Variants in POF1B observed in about 807,000 individuals in gnomAD.
POF1B encodes protein POF1B.
Under a neutral mutation model 55.3 loss-of-function variants are expected in POF1B, and 53 were observed. The observed-to-expected ratio is 0.96, with a 90% CI of 0.77 to 1.20. The LOEUF is 1.20. Among genes scored for constraint, POF1B ranks in the 50% most tolerant of loss-of-function variants. POF1B has a pLI of 0.00. For synonymous variants in POF1B, 188 were observed against 148.3 expected (o/e 1.27, Z -1.95); for missense variants, 478 against 420.5 (o/e 1.14, Z -1.20).
chrX:85,320,142 C>T (rs1355921631), intron 7 of POF1B, among the ~76,000 whole-genome samples: 1 of 111,196 alleles, frequency 9.0e-6, no homozygotes, highest in Non-Finnish European at 1.9e-5. Context: ...TTTAGGTTTT[C>T]TACCTTGTGT....
chrX:85,307,284 C>T lies in POF1B; in HGVS notation c.1051-8G>A. Reference sequence around the variant, plus strand: ...CTTGTCATTTTCCAGTGACTAGAAGCATAAATTATTTATTATGATTCAGAA... The same window carrying T: ...CTTGTCATTTTCCAGTGACTAGAAGTATAAATTATTTATTATGATTCAGAA... On this transcript the variant is annotated splice_polypyrimidine_tract_variant and splice_region_variant and intron_variant, in intron 10 of 16. Coordinates refer to ENST00000262753, the MANE Select transcript of POF1B (RefSeq NM_024921.4). 8.9e-7 allele frequency: 1 copy of T among 1,117,544 alleles called. No homozygotes were observed. Among genetic ancestry groups the T allele is most frequent in the Admixed American group, 2.4e-5 (1 of 41,680 alleles). The allele number at this position is 1,117,544 out of a possible 1,213,427, so 92.1% of individuals were successfully genotyped here.
chrX:85,297,456 T>C (rs1196420782), intron 15 of POF1B, among the ~76,000 whole-genome samples: 1 of 112,118 alleles, frequency 8.9e-6, no homozygotes, highest in Admixed American at 9.5e-5. Context: ...TATAGTTAAT[T>C]AGCTTTGTTT....
chrX:85,313,092 T>A (rs1488818830), intron 9 of POF1B, among the ~76,000 whole-genome samples: 2 of 111,845 alleles, frequency 1.8e-5, no homozygotes, highest in East Asian at 5.6e-4. Context: ...CGATGGGGTT[T>A]TCTAAATATA....
chrX:85,312,387 G>T (rs1017010525), intron 9 of POF1B, among the ~76,000 whole-genome samples: 2 of 111,606 alleles, frequency 1.8e-5, no homozygotes, highest in East Asian at 5.6e-4. Flanking sequence ...TCAGTTTTCA[G>T]CATATGGCTA....
At chrX:85,298,031 C>T (rs1330663185) in intron 15 of POF1B, among the ~76,000 whole-genome samples, 1 of 112,409 alleles carries the variant, frequency 8.9e-6, no homozygotes, top group Admixed American at 9.4e-5. Context: ...TGTCCTCTAC[C>T]TCCTTGGGAT....
In POF1B at chrX:85,282,063, C is replaced by A. The variant is rs1471809998; in HGVS notation, c.1764+140G>T. 1.2e-5 allele frequency: 9 copies of A among 738,525 alleles called. No individual in the cohort carries two copies. In the East Asian group the frequency reaches 3.5e-4, roughly 28 times the overall value. The allele number at this position is 738,525 out of a possible 1,213,427, so 60.9% of individuals were successfully genotyped here. A position where few individuals can be genotyped will look rare whatever the true frequency, so the allele number is the denominator to read the frequency against. On this transcript the variant is annotated intron_variant, in intron 16 of 16. Transcript: ENST00000262753. ...TCTTTCCAAAATTTGTTAATTCCCA[C>A]TGTATATCAATAATGGAAACAGAAA...
chrX:85,338,344 C>G (rs1048016942), intron 6 of POF1B, among the ~76,000 whole-genome samples: 3 of 111,424 alleles, frequency 2.7e-5, no homozygotes, highest in Non-Finnish European at 3.8e-5. Context: ...GGTGCTTTAA[C>G]AAATCACACT....
At chrX:85,341,288 A>G (rs1036400206) in intron 6 of POF1B, among the ~76,000 whole-genome samples, 1 of 111,099 alleles carries the variant, frequency 9.0e-6, no homozygotes, top group African/African-American at 3.3e-5. Flanking sequence ...ATTGAAAATG[A>G]TTGCCTCTGG....
intron 3 of POF1B, among the ~76,000 whole-genome samples, chrX:85,366,105 T>C (rs2147948761): frequency 8.9e-6 from 1 of 112,056 alleles, no homozygotes; most frequent in South Asian, 3.7e-4. Flanking sequence ...ACAAAAAGTG[T>C]TCAGCCAAAC....
At position 85,306,082 on chromosome X, in the gene POF1B, AC is replaced by A. The variant is rs1166406118; in HGVS notation, c.1317+98del. 5.2e-6 allele frequency: 5 copies of A among 956,102 alleles called. No homozygotes were observed. The East Asian group carries it at 1.6e-4, about 30-fold the overall frequency. The allele number at this position is 956,102 out of a possible 1,213,427, so 78.8% of individuals were successfully genotyped here. A position where few individuals can be genotyped will look rare whatever the true frequency, so the allele number is the denominator to read the frequency against. On this transcript the variant is annotated intron_variant, in intron 12 of 16. Coordinates refer to ENST00000262753, the MANE Select transcript of POF1B (RefSeq NM_024921.4). ...CTCAAATGTCAGTGATTAAGATCTAACAGTATGTGAGGGAAAGCAGTCCATA... is the reference window on the plus strand; with the variant it reads ...CTCAAATGTCAGTGATTAAGATCTAAAGTATGTGAGGGAAAGCAGTCCATA...
At chrX:85,349,905 A>G (rs1449779544) in intron 5 of POF1B, among the ~76,000 whole-genome samples, 2 of 110,995 alleles carry the variant, frequency 1.8e-5, no homozygotes, top group African/African-American at 3.3e-5. Flanking sequence ...CAAGTCCTGG[A>G]CATTGGGCTG....
chrX:85,339,036 A>AG (rs1451973954), intron 6 of POF1B, among the ~76,000 whole-genome samples: 2 of 110,829 alleles, frequency 1.8e-5, no homozygotes, highest in African/African-American at 6.6e-5. Flanking sequence ...GAGAAAAAGA[A>AG]GGGGGGCTGT....
At chrX:85,316,034 T>C (rs1356302666) in intron 7 of POF1B, among the ~76,000 whole-genome samples, 1 of 111,244 alleles carries the variant, frequency 9.0e-6, no homozygotes, top group African/African-American at 3.3e-5. Flanking sequence ...AGATTAGAAG[T>C]CCTCAGTGCT....
At chrX:85,373,383 A>C (rs1358118171) in intron 2 of POF1B, among the ~76,000 whole-genome samples, 1 of 112,004 alleles carries the variant, frequency 8.9e-6, no homozygotes, top group Non-Finnish European at 1.9e-5. Context: ...TTATTTGTAC[A>C]TCGTACAATT....
At chrX:85,379,073 A>G in intron 2 of POF1B, 100 bp downstream of exon 2, 1 of 984,686 alleles carries the variant, frequency 1.0e-6, no homozygotes, top group East Asian at 3.1e-5. Flanking sequence ...AATCCACCAA[A>G]AGATATCCTG....
intron 5 of POF1B, among the ~76,000 whole-genome samples, chrX:85,348,150 G>A (rs1341360457): frequency 9.0e-6 from 1 of 110,996 alleles, no homozygotes; most frequent in Non-Finnish European, 1.9e-5. Flanking sequence ...CCCATAATCT[G>A]GGGTGCCTTG....
intron 15 of POF1B, among the ~76,000 whole-genome samples, chrX:85,284,926 A>C (rs367996903): frequency 8.1e-5 from 9 of 111,675 alleles, no homozygotes; most frequent in Admixed American, 2.9e-4. Context: ...GGGCTAATAT[A>C]CAGAATCTAC....
intron 2 of POF1B, among the ~76,000 whole-genome samples, chrX:85,373,349 A>G (rs1017202926): frequency 2.7e-5 from 3 of 111,850 alleles, no homozygotes; most frequent in African/African-American, 9.8e-5. Context: ...TTAACAGATA[A>G]ATAATACACA....
Position 85,303,420 on chromosome X carries a change from A to G in POF1B, c.1635T>C (p.Thr545=). The G allele has an allele frequency of 8.5e-7, 1 of 1,173,224 alleles. No individual in the cohort carries two copies. The change falls in exon 15 of 17, where the codon ACT becomes ACC. Residue 545 remains threonine (T), a synonymous_variant. Coordinates refer to ENST00000262753, the MANE Select transcript of POF1B (RefSeq NM_024921.4). ...AAATACATTACTTTTTAGTGGTAAT[A>G]GTAGTCCTTCCACCAGTGGAGGGTT... is the stretch of plus-strand genomic sequence containing the variant. ...HNQPSTGGRT[T]ITTKKYRTQY...
Sources: gnomAD v4.1 joint callset for allele counts (sites outside exome capture counted in the v4.1 genomes callset) on GRCh38, gnomAD v4.1.1 for gene constraint, MANE v1.5 for transcripts, NCBI Gene and HGNC (gene_info 2026-07-23, HGNC 2026-07-21) for gene names.